The following CDH6 variants were observed in gnomAD, a reference collection of about 807,000 sequenced individuals.
The protein encoded by CDH6 is cadherin 6.
A neutral mutation model predicts 78.0 loss-of-function variants in CDH6; 31 were observed. That is an observed-to-expected ratio of 0.40 (90% CI 0.30 to 0.54). The LOEUF (loss-of-function observed/expected upper bound fraction) is 0.54. CDH6 is among the 20% of genes least tolerant of loss of function. The pLI is 0.56. For synonymous variants in CDH6, 376 were observed against 368.8 expected (o/e 1.02, Z -0.23); for missense variants, 724 against 975.9 (o/e 0.74, Z 3.44).
intron 1 of CDH6, among the ~76,000 whole-genome samples, chr5:31,233,371 C>T (rs1379214087): frequency 1.3e-5 from 2 of 151,478 alleles, no homozygotes; most frequent in Admixed American, 1.3e-4. Flanking sequence ...AAAAATTAAC[C>T]GGGCATAGTT....
intron 11 of CDH6, among the ~76,000 whole-genome samples, 156 bp from the exon 12 acceptor site, chr5:31,322,662 G>A (rs148042960): frequency 0.013 from 1,910 of 152,286 alleles, 22 homozygotes; most frequent in Middle Eastern, 0.02. Flanking sequence ...TTTGATCATG[G>A]ATGGAGGCAA....
At chr5:31,287,308 G>A (rs1246556472) in intron 2 of CDH6, among the ~76,000 whole-genome samples, 1 of 152,152 alleles carries the variant, frequency 6.6e-6, no homozygotes, top group Admixed American at 6.5e-5. Flanking sequence ...AGGACTGAAT[G>A]GAGACTAAGA....
chr5:31,298,551 C>A (rs756247702), intron 4 of CDH6, among the ~76,000 whole-genome samples: 1 of 152,150 alleles, frequency 6.6e-6, no homozygotes, highest in Non-Finnish European at 1.5e-5. Context: ...GACCTGTTGT[C>A]TGAAGTATTC....
At chr5:31,270,593 A>G (rs1045899619) in intron 2 of CDH6, among the ~76,000 whole-genome samples, 3 of 152,122 alleles carry the variant, frequency 2.0e-5, no homozygotes, top group Non-Finnish European at 4.4e-5. Context: ...AGCACCACCT[A>G]CTGTTGAAAC....
At chr5:31,277,477 T>C (rs1192340300) in intron 2 of CDH6, among the ~76,000 whole-genome samples, 2 of 152,236 alleles carry the variant, frequency 1.3e-5, no homozygotes, top group African/African-American at 4.8e-5. Context: ...CCTTATATAA[T>C]TGAACCAAAG....
intron 2 of CDH6, among the ~76,000 whole-genome samples, chr5:31,279,169 A>T (rs1477104440): frequency 1.3e-5 from 2 of 152,206 alleles, no homozygotes; most frequent in African/African-American, 4.8e-5. Flanking sequence ...CCAAAAACTT[A>T]GCTACAAATG....
intron 1 of CDH6, among the ~76,000 whole-genome samples, chr5:31,197,496 TG>T (rs1255009377): frequency 6.6e-6 from 1 of 152,202 alleles, no homozygotes; most frequent in African/African-American, 2.4e-5. Flanking sequence ...ACCTAGTCAG[TG>T]TCTACTGAGC....
chr5:31,202,062 C>T (rs185531122), intron 1 of CDH6, among the ~76,000 whole-genome samples: 8 of 152,156 alleles, frequency 5.3e-5, no homozygotes, highest in East Asian at 3.9e-4. Context: ...CTCTATAAGC[C>T]GGAACAAACA....
rs1303016671 is a variant in CDH6, at chr5:31,267,423, A to G, written c.-51A>G. 4 of 1,377,582 alleles carry G rather than the reference A, an allele frequency of 2.9e-6. No homozygotes were observed. The highest frequency in any genetic ancestry group is 4.1e-6 in the Non-Finnish European group (4 of 967,378). 85.3% of individuals were successfully genotyped at this position (1,377,582 alleles called of 1,614,324 possible). A position where few individuals can be genotyped will look rare whatever the true frequency, so the allele number is the denominator to read the frequency against. On this transcript the variant is annotated 5_prime_UTR_variant, in exon 2 of 12. Transcript: ENST00000265071. ...CTGGATACGGTGCAGTGAAAAAGGCACTTCCAAGAGTGGGGCACTCACTAC... is the reference window on the plus strand; with the variant it reads ...CTGGATACGGTGCAGTGAAAAAGGCGCTTCCAAGAGTGGGGCACTCACTAC...
intron 1 of CDH6, among the ~76,000 whole-genome samples, chr5:31,212,865 A>G (rs1740754125): frequency 6.6e-6 from 1 of 152,132 alleles, no homozygotes; most frequent in Admixed American, 6.5e-5. Context: ...CAGCTAGTTG[A>G]AGCTGCTTTT....
chr5:31,201,844 G>C (rs979522864), intron 1 of CDH6, among the ~76,000 whole-genome samples: 1 of 152,026 alleles, frequency 6.6e-6, no homozygotes, highest in Admixed American at 6.6e-5. Flanking sequence ...TAATGAAAAG[G>C]TATCCTTGGG....
At position 31,201,758 on chromosome 5, in the gene CDH6, T is replaced by C. The variant is rs577976473; in HGVS notation, c.-129+7872T>C. On this transcript the variant is annotated intron_variant, in intron 1 of 11. Coordinates refer to ENST00000265071, the MANE Select transcript of CDH6 (RefSeq NM_004932.4). ...ATTGACCTGGTTCTCTTCCTTCTTA[T>C]CTGGATGAACAAAAAGTAAAGGGGA... Among the ~76,000 whole-genome samples, 7 of 152,222 alleles carry C rather than the reference T, an allele frequency of 4.6e-5. No individual in the cohort carries two copies. The South Asian group carries it at 1.2e-3, about 27-fold the overall frequency.
chr5:31,218,367 A>G (rs1414392661), intron 1 of CDH6, among the ~76,000 whole-genome samples: 1 of 152,178 alleles, frequency 6.6e-6, no homozygotes, highest in Non-Finnish European at 1.5e-5. Context: ...AAAGTAAAAC[A>G]TGGGTAGGTA....
At position 31,299,623 on chromosome 5, in the gene CDH6, TC is replaced by T. The variant is rs776523565; in HGVS notation, c.808del (p.Gln270ArgfsTer60). The T allele has an allele frequency of 1.2e-6, 2 of 1,611,422 alleles. No individual in the cohort carries two copies. The highest frequency in any genetic ancestry group is 1.7e-6 in the Non-Finnish European group (2 of 1,177,950). ...GATGTCAACGACAACCCTCCCCGAT[TC>T]CCCCAGAGTAGGAACATTTGATTGA... ...LTDVNDNPPR[F>X]PQSTYQFKTP... On this transcript the variant is annotated frameshift_variant, in exon 5 of 12. Transcript: ENST00000265071. LOFTEE classifies it high-confidence loss of function.
intron 1 of CDH6, among the ~76,000 whole-genome samples, chr5:31,198,612 A>G (rs925672406): frequency 2.6e-5 from 4 of 152,196 alleles, no homozygotes; most frequent in African/African-American, 4.8e-5. Context: ...AATAAGTTAT[A>G]GGAAGAGAAA....
intron 6 of CDH6, among the ~76,000 whole-genome samples, chr5:31,302,789 AGAGAG>A: frequency 1.1e-5 from 1 of 87,328 alleles, no homozygotes; most frequent in African/African-American, 5.5e-5. Flanking sequence ...AGAGAGAGAG[AGAGAG>A]AGAGAGAAAG....
intron 1 of CDH6, among the ~76,000 whole-genome samples, chr5:31,241,247 G>A (rs1398426525): frequency 6.6e-6 from 1 of 152,174 alleles, no homozygotes; most frequent in African/African-American, 2.4e-5. Context: ...GTGAACCAAG[G>A]CTGAGTTTTC....
intron 3 of CDH6, 90 bp from the exon 4 acceptor site, chr5:31,297,199 T>G: frequency 8.8e-7 from 1 of 1,136,400 alleles, no homozygotes; most frequent in Non-Finnish European, 1.3e-6. Flanking sequence ...GATATTTCCA[T>G]ACAAAATTAA....
rs192502913 is a variant in CDH6 at position 31,271,649 on chromosome 5, G to A, written c.228+3948G>A. On this transcript the variant is annotated intron_variant, in intron 2 of 11. Coordinates refer to ENST00000265071, the MANE Select transcript of CDH6 (RefSeq NM_004932.4). The stretch of plus-strand genomic sequence containing the variant: ...CTGTGTCGGGTAAGTTTCTGAGTTC[G>A]TGAGTTTAAGATATAAAAACGGGAT... 3.7e-4 allele frequency among the ~76,000 whole-genome samples: 56 copies of A among 152,272 alleles called. 1 individual carries two copies. The highest frequency in any genetic ancestry group is 1.3e-3 in the Admixed American group (20 of 15,296).
Sources: allele counts gnomAD v4.1 joint callset (sites outside exome capture counted in the v4.1 genomes callset), GRCh38; gene constraint gnomAD v4.1.1; transcripts MANE v1.5; gene names NCBI Gene and HGNC (gene_info 2026-07-23, HGNC 2026-07-21).